Variants in MAF observed in about 807,000 individuals in gnomAD.
The protein encoded by MAF is MAF bZIP transcription factor, also known as transcription factor Maf.
MAF carries 10 observed loss-of-function variants against 22.0 expected under a neutral mutation model. That is an observed-to-expected ratio of 0.45 (90% CI 0.28 to 0.77). The LOEUF is 0.77. MAF is among the 30% of genes least tolerant of loss of function. The pLI is 0.12. For synonymous variants in MAF, 337 were observed against 255.8 expected (o/e 1.32, Z -3.03); for missense variants, 544 against 548.4 (o/e 0.99, Z 0.08).
At chr16:79,279,945 GAC>G in the MAF span, among the ~76,000 whole-genome samples, 2 of 152,146 alleles carry the variant, frequency 1.3e-5, no homozygotes, top group Non-Finnish European at 2.9e-5. Context: ...GCTTGCCCGG[GAC>G]ACAGTTTGTG....
the MAF span, among the ~76,000 whole-genome samples, chr16:79,230,275 C>G: frequency 6.6e-6 from 1 of 152,078 alleles, no homozygotes; most frequent in African/African-American, 2.4e-5. Flanking sequence ...GACCTTTCAC[C>G]CGGCTAAGGC....
At chr16:79,498,999 CCT>C in the MAF span, among the ~76,000 whole-genome samples, 3 of 152,076 alleles carry the variant, frequency 2.0e-5, no homozygotes, top group Non-Finnish European at 4.4e-5. Flanking sequence ...ATTTTTTAAG[CCT>C]TTTTAGAGAG....
chr16:79,489,891 G>A, the MAF span, among the ~76,000 whole-genome samples: 1 of 152,104 alleles, frequency 6.6e-6, no homozygotes, highest in Non-Finnish European at 1.5e-5. Flanking sequence ...GGTGGTCAGG[G>A]CCCCGGCAAT....
rs957412930 is a variant in MAF, at chr16:79,600,117, C to G, written c.-215G>C. On this transcript the variant is annotated 5_prime_UTR_variant, in exon 1 of 2. Transcript: ENST00000326043. ...CCCCCCGCGCCCGCCCTCCCTCCCC[C>G]CTGCTCACGCCAATGTGCTCCCTCG... 4.1e-5 allele frequency: 23 copies of G among 559,010 alleles called. No homozygotes were observed. Among genetic ancestry groups the G allele is most frequent in the African/African-American group, 4.1e-5 (2 of 49,364 alleles). 34.6% of individuals were successfully genotyped at this position (559,010 alleles called of 1,614,324 possible). A position where few individuals can be genotyped will look rare whatever the true frequency, so the allele number is the denominator to read the frequency against.
At chr16:79,224,397 A>G in the MAF span, among the ~76,000 whole-genome samples, 1 of 152,240 alleles carries the variant, frequency 6.6e-6, no homozygotes, top group African/African-American at 2.4e-5. Flanking sequence ...ACCCATAGCC[A>G]ATATCATACT....
At chr16:79,446,974 A>G in the MAF span, among the ~76,000 whole-genome samples, 2 of 152,294 alleles carry the variant, frequency 1.3e-5, no homozygotes, top group Non-Finnish European at 2.9e-5. Flanking sequence ...AGAAATCAAC[A>G]TTGGTTTCAC....
the MAF span, among the ~76,000 whole-genome samples, chr16:79,283,162 G>A: frequency 2.6e-5 from 4 of 152,172 alleles, no homozygotes; most frequent in Admixed American, 6.5e-5. Flanking sequence ...TATTTATGGC[G>A]TGAGTGGATA....
At chr16:79,417,975 T>G in the MAF span, among the ~76,000 whole-genome samples, 9 of 152,146 alleles carry the variant, frequency 5.9e-5, no homozygotes, top group Non-Finnish European at 8.8e-5. Flanking sequence ...GGCCTATGTG[T>G]GAGTGTTTTC....
the MAF span, among the ~76,000 whole-genome samples, chr16:79,477,232 C>A: frequency 6.6e-6 from 1 of 152,168 alleles, no homozygotes; most frequent in Non-Finnish European, 1.5e-5. Context: ...ATTTTAATGA[C>A]CACCAGAGCC....
At chr16:79,231,307 G>A in the MAF span, among the ~76,000 whole-genome samples, 2 of 152,052 alleles carry the variant, frequency 1.3e-5, no homozygotes, top group African/African-American at 2.4e-5. Context: ...TTGGTATTCT[G>A]ACCTGGTTTC....
chr16:79,594,605 C>G, intron 1 of MAF, 52 bp from the exon 2 acceptor site: 1 of 1,549,064 alleles, frequency 6.5e-7, no homozygotes, highest in Non-Finnish European at 8.7e-7. Flanking sequence ...AGATCAAACG[C>G]AGCGTAAAGG....
At chr16:79,437,777 G>A in the MAF span, among the ~76,000 whole-genome samples, 1 of 152,314 alleles carries the variant, frequency 6.6e-6, no homozygotes, top group South Asian at 2.1e-4. Flanking sequence ...CTGGCATTGG[G>A]CAGGCTCAAT....
chr16:79,368,411 C>T, the MAF span, among the ~76,000 whole-genome samples: 366 of 152,096 alleles, frequency 2.4e-3, 3 homozygotes, highest in Admixed American at 9.2e-3. Context: ...TCATGTTCCA[C>T]GGGTCTACGA....
the MAF span, among the ~76,000 whole-genome samples, chr16:79,258,523 A>C: frequency 1.3e-5 from 2 of 152,186 alleles, no homozygotes; most frequent in Non-Finnish European, 2.9e-5. Flanking sequence ...TGCAGTGGCT[A>C]GGCTTCTCTT....
the MAF span, among the ~76,000 whole-genome samples, chr16:79,522,347 G>A: frequency 3.3e-5 from 5 of 152,162 alleles, no homozygotes; most frequent in Admixed American, 2.6e-4. Context: ...TGACACAGAT[G>A]AGAAACCAGC....
the MAF span, among the ~76,000 whole-genome samples, chr16:79,332,862 G>A: frequency 6.6e-6 from 1 of 152,174 alleles, no homozygotes; most frequent in Non-Finnish European, 1.5e-5. Context: ...TACCTGGAAG[G>A]GAAGTAGTTT....
intron 1 of MAF, 147 bp from the exon 2 acceptor site, chr16:79,594,700 A>C: frequency 7.0e-7 from 1 of 1,435,982 alleles, no homozygotes; most frequent in Non-Finnish European, 9.1e-7. Context: ...AGGATTTAGG[A>C]GTTCTTTGTA....
chr16:79,455,241 CA>C, the MAF span, among the ~76,000 whole-genome samples: 3 of 152,098 alleles, frequency 2.0e-5, no homozygotes, highest in Non-Finnish European at 4.4e-5. Context: ...TGGTATATTC[CA>C]AGCTAATTTC....
chr16:79,533,979 T>C, the MAF span, among the ~76,000 whole-genome samples: 6 of 152,204 alleles, frequency 3.9e-5, no homozygotes, highest in Non-Finnish European at 7.3e-5. Flanking sequence ...CTCCTGTTCA[T>C]GCTCCCCTCA....
Sources: gnomAD v4.1 joint callset for allele counts (sites outside exome capture counted in the v4.1 genomes callset) on GRCh38, gnomAD v4.1.1 for gene constraint, MANE v1.5 for transcripts, NCBI Gene and HGNC (gene_info 2026-07-23, HGNC 2026-07-21) for gene names.